Variants in ZNF17 observed in about 807,000 individuals in gnomAD.
ZNF17 encodes the protein zinc finger protein 17 (HPF3, KOX 10).
In ZNF17, 4 loss-of-function variants were observed where a neutral mutation model predicts 7.7. That is an observed-to-expected ratio of 0.52 (90% confidence interval 0.26 to 1.20). The LOEUF is 1.20. ZNF17 is among the 50% of genes most tolerant of loss of function. The probability of loss-of-function intolerance (pLI) is 0.14; values close to 1 mark genes in which losing one functional copy is unlikely to be tolerated. For synonymous variants in ZNF17, 249 were observed against 258.8 expected, an observed-to-expected ratio of 0.96 and a Z score of 0.36; for missense variants, 738 against 799.5, an observed-to-expected ratio of 0.92 and a Z score of 0.93.
chr19:57,421,126 G>T lies in ZNF17; in HGVS notation c.1640G>T (p.Arg547Leu), dbSNP rs78230015. Residue 547 changes from arginine (R) to leucine (L), a missense_variant, in exon 4 of 4, where the codon CGG becomes CTG. Transcript: ENST00000307658. ...CACAACTCAAATCATATTAGACATC[G>T]GAGAAATCACTTTGGAGAAAGGTCT... is the stretch of plus-strand genomic sequence containing the variant. ...FRHNSNHIRH[R>L]RNHFGERSFE... The T allele has an allele frequency of 3.1e-6, 5 of 1,613,682 alleles. No homozygotes were observed. The highest frequency in any genetic ancestry group is 1.7e-5 in the Admixed American group (1 of 59,998).
At chr19:57,419,525 C>A in intron 3 of ZNF17, 110 bp from the exon 4 acceptor site, 1 of 1,216,560 alleles carries the variant, frequency 8.2e-7, no homozygotes, top group Non-Finnish European at 1.1e-6. Context: ...TGTCCCATGC[C>A]TGTCACCAAT....
chr19:57,419,468 TGTCA>T, intron 3 of ZNF17, 163 bp from the exon 4 acceptor site: 2 of 677,958 alleles, frequency 3.0e-6, no homozygotes, highest in South Asian at 2.0e-5. Flanking sequence ...TATGGGTTTC[TGTCA>T]GTCCCGGTTC....
At chr19:57,418,611 C>T (rs2088826426) in intron 3 of ZNF17, among the ~76,000 whole-genome samples, 1 of 152,128 alleles carries the variant, frequency 6.6e-6, no homozygotes, top group Non-Finnish European at 1.5e-5. Flanking sequence ...GTAGAGGTCC[C>T]TGGGTGCCTG....
At chr19:57,411,641 C>T in intron 1 of ZNF17, 2 of 1,366,892 alleles carry the variant, frequency 1.5e-6, no homozygotes, top group South Asian at 1.9e-5. Context: ...TTTGTCTCCA[C>T]GGAGCTGAGG....
chr19:57,411,453 G>T (rs781283851), intron 1 of ZNF17, 47 bp downstream of exon 1: 3 of 1,602,130 alleles, frequency 1.9e-6, no homozygotes, highest in Non-Finnish European at 1.7e-6. Flanking sequence ...TCCTCCGAGT[G>T]CCGAAGCCCC....
At position 57,420,321 on chromosome 19, in the gene ZNF17, A is replaced by G. The variant is rs201024371; in HGVS notation, c.835A>G (p.Ser279Gly). 531 of 1,613,922 alleles carry G rather than the reference A, an allele frequency of 3.3e-4. No homozygotes were observed. The highest frequency in any genetic ancestry group is 4.3e-4 in the Non-Finnish European group (512 of 1,179,964). The change falls in exon 4 of 4, where the codon AGT (serine) becomes GGT (glycine). Residue 279 changes from serine (S) to glycine (G), a missense_variant. This residue lies in a region of ZNF17 where 616 missense variants were observed against 663.9 expected (regional missense o/e 0.93). Coordinates refer to ENST00000307658, the MANE Select transcript of ZNF17 (RefSeq NM_001330617.2). ...IHTGERPYEC[S>G]ECGKAFLRKS... ...CACTGGAGAAAGGCCTTATGAGTGCAGTGAATGTGGGAAAGCTTTTCTTAG... is the reference window on the plus strand; with the variant it reads ...CACTGGAGAAAGGCCTTATGAGTGCGGTGAATGTGGGAAAGCTTTTCTTAG...
chr19:57,413,662 C>T (rs959048674), intron 2 of ZNF17, 26 bp downstream of exon 2: 2 of 1,535,956 alleles, frequency 1.3e-6, no homozygotes, highest in Non-Finnish European at 1.7e-6. Context: ...TTCCAGCTTT[C>T]ACCCATCCCA....
intron 2 of ZNF17, among the ~76,000 whole-genome samples, chr19:57,416,270 A>G (rs1292756709): frequency 1.7e-4 from 26 of 152,044 alleles, no homozygotes; most frequent in Admixed American, 1.6e-3. Flanking sequence ...CCATGGAAAT[A>G]CTCCCAGTTG....
At chr19:57,418,322 T>G (rs937228141) in intron 3 of ZNF17, among the ~76,000 whole-genome samples, 4 of 152,200 alleles carry the variant, frequency 2.6e-5, no homozygotes, top group Non-Finnish European at 5.9e-5. Flanking sequence ...GTTTACTCTG[T>G]CCAAATGCAT....
rs578203511 is a variant in ZNF17, at chr19:57,411,666, C to T, written c.-21+260C>T. ...CGGAGCTGAGGGTGAGGCGGAGTCT[C>T]GCCTGGGAGGGCAGCGGAGCTGCTG... On this transcript the variant is annotated intron_variant, in intron 1 of 3. Coordinates refer to ENST00000307658, the MANE Select transcript of ZNF17 (RefSeq NM_001330617.2). The T allele has an allele frequency of 9.0e-6, 12 of 1,332,000 alleles. No homozygotes were observed. The East Asian group carries it at 3.1e-4, about 34-fold the overall frequency. 82.5% of individuals were successfully genotyped at this position (1,332,000 alleles called of 1,614,324 possible).
chr19:57,414,353 C>T (rs1226946812), intron 2 of ZNF17, among the ~76,000 whole-genome samples: 7 of 147,442 alleles, frequency 4.7e-5, no homozygotes, highest in African/African-American at 1.8e-4. Context: ...TTTTTTTTTC[C>T]AGACAGAGGC....
At position 57,411,283 on chromosome 19, in the gene ZNF17, G is replaced by C. The variant is rs2088774010; in HGVS notation, c.-144G>C. The C allele has an allele frequency of 2.7e-6, 4 of 1,489,626 alleles. No homozygotes were observed. Among genetic ancestry groups the C allele is most frequent in the Non-Finnish European group, 3.6e-6 (4 of 1,097,226 alleles). 92.3% of individuals were successfully genotyped at this position (1,489,626 alleles called of 1,614,324 possible). A position where few individuals can be genotyped will look rare whatever the true frequency, so the allele number is the denominator to read the frequency against. On this transcript the variant is annotated 5_prime_UTR_variant, in exon 1 of 4. Transcript: ENST00000307658. ...AGGTTTCCCCGTTGTACAGAGGCTA[G>C]AGTGAGGCTCGGTTGAATCGGTTGC...
intron 1 of ZNF17, among the ~76,000 whole-genome samples, chr19:57,412,233 C>A (rs1377072002): frequency 6.6e-6 from 1 of 152,116 alleles, no homozygotes; most frequent in Non-Finnish European, 1.5e-5. Flanking sequence ...AGCAGCCCCC[C>A]AGGCCCACTC....
At chr19:57,417,277 T>A (rs1175015788) in intron 2 of ZNF17, among the ~76,000 whole-genome samples, 1 of 152,082 alleles carries the variant, frequency 6.6e-6, no homozygotes, top group African/African-American at 2.4e-5. Flanking sequence ...ATTGGGGTTT[T>A]GGCTGGAAAG....
In ZNF17 at chr19:57,420,091, G is replaced by T. The variant is rs2088838278; in HGVS notation, c.605G>T (p.Cys202Phe). ...YSCTQCGKDF[C>F]HQHTLFEHQK... Reference sequence around the variant, plus strand: ...TGCACCCAATGTGGGAAAGACTTTTGCCACCAACATACACTGTTTGAGCAC... The same window carrying T: ...TGCACCCAATGTGGGAAAGACTTTTTCCACCAACATACACTGTTTGAGCAC... The change falls in exon 4 of 4, where the codon TGC becomes TTC. Residue 202 changes from cysteine (C) to phenylalanine (F), a missense_variant. Coordinates refer to ENST00000307658, the MANE Select transcript of ZNF17 (RefSeq NM_001330617.2). 1 of 1,614,088 alleles carries T rather than the reference G, an allele frequency of 6.2e-7. No homozygotes were observed. The highest frequency in any genetic ancestry group is 1.3e-5 in the African/African-American group (1 of 74,934).
At chr19:57,413,505 G>A in intron 1 of ZNF17, 91 bp from the exon 2 acceptor site, 1 of 1,388,014 alleles carries the variant, frequency 7.2e-7, no homozygotes, top group Admixed American at 2.0e-5. Context: ...AGATAACTTT[G>A]CTCTAGTTGC....
chr19:57,413,934 T>G (rs1214968953), intron 2 of ZNF17, among the ~76,000 whole-genome samples: 1 of 152,158 alleles, frequency 6.6e-6, no homozygotes, highest in Non-Finnish European at 1.5e-5. Context: ...AGCTTAATGT[T>G]CTAGCTGGCA....
chr19:57,418,154 G>A, intron 3 of ZNF17, 116 bp downstream of exon 3: 1 of 1,362,748 alleles, frequency 7.3e-7, no homozygotes, highest in Non-Finnish European at 1.0e-6. Flanking sequence ...CTGGTTTCCT[G>A]GCATATGTGT....
intron 1 of ZNF17, among the ~76,000 whole-genome samples, chr19:57,413,089 G>C (rs377417625): frequency 6.6e-6 from 1 of 151,698 alleles, no homozygotes; most frequent in African/African-American, 2.4e-5. Flanking sequence ...TGGTTGGCCA[G>C]GATGGTCTTG....
Sources: gnomAD v4.1 joint callset for allele counts (sites outside exome capture counted in the v4.1 genomes callset) on GRCh38, gnomAD v4.1.1 for gene constraint, gnomAD v4.1.1 regional missense constraint, MANE v1.5 for transcripts, NCBI Gene and HGNC (gene_info 2026-07-23, HGNC 2026-07-21) for gene names.